The following GDPD4 variants were observed in gnomAD, a reference collection of about 807,000 sequenced individuals.
GDPD4 encodes glycerophosphodiester phosphodiesterase 6.
GDPD4 carries 60 observed loss-of-function variants against 67.8 expected under a neutral mutation model. The observed-to-expected ratio is 0.88, with a 90% confidence interval of 0.72 to 1.10. The LOEUF (loss-of-function observed/expected upper bound fraction) is 1.10, where lower values mean the gene tolerates loss of function less well. Ranked by LOEUF, GDPD4 falls within the 50% of genes least tolerant of loss-of-function variation. The pLI is 0.00. For synonymous variants in GDPD4, 212 were observed against 210.9 expected (o/e 1.00, Z -0.04); for missense variants, 623 against 613.9 (o/e 1.01, Z -0.16).
In GDPD4 at chr11:77,269,071, T is replaced by A. The variant is rs757594722; in HGVS notation, c.479-2A>T. The A allele has an allele frequency of 5.6e-6, 9 of 1,610,396 alleles. No homozygotes were observed. The African/African-American group carries it at 6.7e-5, about 12-fold the overall frequency. ...GTAATCCAACAGGCACTTGTAGACCTGAAAAATTTGAAAGGAAGGGGAAGT... is the reference window on the plus strand; with the variant it reads ...GTAATCCAACAGGCACTTGTAGACCAGAAAAATTTGAAAGGAAGGGGAAGT... On this transcript the variant is annotated splice_acceptor_variant, in intron 8 of 16. Transcript: ENST00000315938. LOFTEE classifies it high-confidence loss of function.
chr11:77,281,485 G>C (rs950331789), intron 3 of GDPD4, among the ~76,000 whole-genome samples: 7 of 152,158 alleles, frequency 4.6e-5, no homozygotes, highest in Non-Finnish European at 7.4e-5. Flanking sequence ...GGAACAACTA[G>C]AAAAGCTAGA....
chr11:77,257,537 C>T lies in GDPD4; in HGVS notation c.864+849G>A, dbSNP rs186186469. Among the ~76,000 whole-genome samples, 74 of 136,182 alleles carry T rather than the reference C, an allele frequency of 5.4e-4. 1 individual carries two copies. The Admixed American group carries it at 5.8e-3, about 11-fold the overall frequency. 89.3% of individuals were successfully genotyped at this position (136,182 alleles called of 152,430 possible). On this transcript the variant is annotated intron_variant, in intron 11 of 16. Transcript: ENST00000315938. ...TCCTTCCTCTCTTCTTTCCTCTATCCCTCCCTCCCTCTCCTACACACACAC... is the reference window on the plus strand; with the variant it reads ...TCCTTCCTCTCTTCTTTCCTCTATCTCTCCCTCCCTCTCCTACACACACAC...
At chr11:77,226,144 C>T (rs1404508969) in intron 16 of GDPD4, among the ~76,000 whole-genome samples, 1 of 152,158 alleles carries the variant, frequency 6.6e-6, no homozygotes, top group Non-Finnish European at 1.5e-5. Context: ...TAAGCCACCT[C>T]TTTTATCTAG....
chr11:77,263,156 T>C (rs772518230), intron 10 of GDPD4, among the ~76,000 whole-genome samples: 5 of 117,494 alleles, frequency 4.3e-5, no homozygotes, highest in Admixed American at 8.4e-5. Context: ...AGGAAATTGA[T>C]ACAATTTGAA....
chr11:77,296,338 T>TC (rs1458557135), intron 1 of GDPD4, among the ~76,000 whole-genome samples: 83 of 143,952 alleles, frequency 5.8e-4, no homozygotes, highest in African/African-American at 2.1e-3. Context: ...TTTTTTTTTT[T>TC]AGACTGAGTT....
At chr11:77,228,862 T>C (rs1229594932) in intron 15 of GDPD4, among the ~76,000 whole-genome samples, 1 of 152,200 alleles carries the variant, frequency 6.6e-6, no homozygotes, top group Non-Finnish European at 1.5e-5. Flanking sequence ...AGGCACTTGT[T>C]CTGGACAATA....
intron 11 of GDPD4, among the ~76,000 whole-genome samples, chr11:77,250,857 A>G (rs1038030400): frequency 6.6e-6 from 1 of 152,164 alleles, no homozygotes; most frequent in Non-Finnish European, 1.5e-5. Context: ...ATGTATATTT[A>G]TAATTGTTAC....
In GDPD4 at chr11:77,292,489, C is replaced by T. The variant is rs997578525; in HGVS notation, c.-253-5069G>A. On this transcript the variant is annotated intron_variant, in intron 1 of 16. Coordinates refer to ENST00000315938, the MANE Select transcript of GDPD4 (RefSeq NM_182833.3). ...ATTGATATTTATAATGCTAAATGCC[C>T]GTACTAGAAAAGAACAAAGATCTCA... Among the ~76,000 whole-genome samples the T allele has an allele frequency of 4.6e-5, 7 of 152,036 alleles. No homozygotes were observed. The East Asian group carries it at 7.7e-4, about 17-fold the overall frequency.
chr11:77,236,381 T>C (rs1191138566), intron 13 of GDPD4, among the ~76,000 whole-genome samples: 1 of 152,124 alleles, frequency 6.6e-6, no homozygotes. Context: ...CCCCATCCTG[T>C]GTCCAAGTGT....
At position 77,216,558 on chromosome 11, in the gene GDPD4, T is replaced by G; in HGVS notation, c.*719A>C. 1 of 251,350 alleles carries G rather than the reference T, an allele frequency of 4.0e-6. No individual in the cohort carries two copies. The highest frequency in any genetic ancestry group is 5.8e-5 in the South Asian group (1 of 17,196). The allele number at this position is 251,350 out of a possible 1,614,324, so 15.6% of individuals were successfully genotyped here. On this transcript the variant is annotated 3_prime_UTR_variant, in exon 17 of 17. Transcript: ENST00000315938. Reference sequence around the variant, plus strand: ...CAAAGAATAGACCACTACCTCTGGCTTCCTGAGAGGTTGCCTTTACTTATA... The same window carrying G: ...CAAAGAATAGACCACTACCTCTGGCGTCCTGAGAGGTTGCCTTTACTTATA...
chr11:77,282,062 T>C (rs1476815219), intron 3 of GDPD4, among the ~76,000 whole-genome samples: 1 of 152,158 alleles, frequency 6.6e-6, no homozygotes, highest in South Asian at 2.1e-4. Context: ...TGGAAAAGTA[T>C]GTAGGATTAA....
chr11:77,220,577 C>A (rs1382676362), intron 16 of GDPD4, among the ~76,000 whole-genome samples: 1 of 152,148 alleles, frequency 6.6e-6, no homozygotes, highest in African/African-American at 2.4e-5. Context: ...GGTAGATTAG[C>A]TTTTTGATGT....
At chr11:77,265,491 T>C (rs968422632) in intron 10 of GDPD4, among the ~76,000 whole-genome samples, 3 of 152,168 alleles carry the variant, frequency 2.0e-5, no homozygotes, top group African/African-American at 7.2e-5. Context: ...TTTGAGAGGA[T>C]TGTAGATTCA....
chr11:77,225,674 G>A (rs181668665), intron 16 of GDPD4, among the ~76,000 whole-genome samples: 1 of 152,296 alleles, frequency 6.6e-6, no homozygotes, highest in Non-Finnish European at 1.5e-5. Flanking sequence ...TACGACAGAA[G>A]ACAACAAAAT....
intron 13 of GDPD4, among the ~76,000 whole-genome samples, chr11:77,241,938 AAAAT>A (rs1044149128): frequency 3.9e-5 from 6 of 151,992 alleles, no homozygotes; most frequent in Non-Finnish European, 5.9e-5. Context: ...TCTCAAAAAA[AAAAT>A]AAATAAATAA....
chr11:77,242,857 A>C (rs1327408962), intron 13 of GDPD4, among the ~76,000 whole-genome samples: 1 of 152,142 alleles, frequency 6.6e-6, no homozygotes, highest in Non-Finnish European at 1.5e-5. Context: ...AGGCAGAAAA[A>C]GCAGGAACAG....
intron 16 of GDPD4, among the ~76,000 whole-genome samples, chr11:77,220,069 CTT>C (rs1958197831): frequency 6.6e-6 from 1 of 152,126 alleles, no homozygotes. Context: ...TATCCTGAGA[CTT>C]TGCAGAAGTT....
At chr11:77,252,503 T>G (rs181428593) in intron 11 of GDPD4, among the ~76,000 whole-genome samples, 15 of 152,340 alleles carry the variant, frequency 9.8e-5, no homozygotes, top group Middle Eastern at 3.4e-3. Flanking sequence ...CCTTTTCCAG[T>G]AATTCATTTA....
chr11:77,252,299 G>C (rs1958921598), intron 11 of GDPD4, among the ~76,000 whole-genome samples: 2 of 152,096 alleles, frequency 1.3e-5, no homozygotes, highest in South Asian at 4.1e-4. Context: ...CCTGACCTCA[G>C]GTGATCCAGC....
Sources: allele counts gnomAD v4.1 joint callset (sites outside exome capture counted in the v4.1 genomes callset), GRCh38; gene constraint gnomAD v4.1.1; transcripts MANE v1.5; gene names NCBI Gene and HGNC (gene_info 2026-07-23, HGNC 2026-07-21).